CDH13: variants seen among roughly 807,000 people sequenced by gnomAD.
The protein encoded by CDH13 is cadherin-13.
A neutral mutation model predicts 63.8 loss-of-function variants in CDH13; 24 were observed. That is an observed-to-expected ratio of 0.38 (90% CI 0.27 to 0.53). The LOEUF is 0.53. Ranked by LOEUF, CDH13 falls within the 20% of genes least tolerant of loss-of-function variation. The probability of loss-of-function intolerance (pLI) is 0.85; values close to 1 mark genes in which losing one functional copy is unlikely to be tolerated. For synonymous variants in CDH13, 503 were observed against 355.3 expected (o/e 1.42, Z -4.67); for missense variants, 1,049 against 903.1 (o/e 1.16, Z -2.07).
chr16:82,990,528 T>G (rs1433510044), intron 2 of CDH13, among the ~76,000 whole-genome samples: 2 of 150,558 alleles, frequency 1.3e-5, no homozygotes, highest in Admixed American at 1.3e-4. Context: ...TTGTCGTTTG[T>G]GTGGGTTTTT....
rs55664829 is a variant in CDH13, at chr16:83,580,448, T to TTCTCTC, written c.961-21952_961-21947dup. On this transcript the variant is annotated intron_variant, in intron 7 of 13. Coordinates refer to ENST00000567109, the MANE Select transcript of CDH13 (RefSeq NM_001257.5). Reference sequence around the variant, plus strand: ...GCACCCAGTTTTCATTTCTGTTCATTTCTCTCTCTCTCTCTCTCTCTCTCT... The same window carrying TTCTCTC: ...GCACCCAGTTTTCATTTCTGTTCATTTCTCTCTCTCTCTCTCTCTCTCTCTCTCTCT... 6.3e-3 allele frequency among the ~76,000 whole-genome samples: 483 copies of TTCTCTC among 76,346 alleles called. 19 individuals carry two copies. The highest frequency in any genetic ancestry group is 0.014 in the East Asian group (23 of 1,612). The allele number at this position is 76,346 out of a possible 152,430, so 50.1% of individuals were successfully genotyped here. A position where few individuals can be genotyped will look rare whatever the true frequency, so the allele number is the denominator to read the frequency against.
intron 2 of CDH13, among the ~76,000 whole-genome samples, chr16:83,003,459 G>C (rs567854462): frequency 9.7e-4 from 148 of 152,148 alleles, no homozygotes; most frequent in Non-Finnish European, 1.4e-3. Flanking sequence ...ATGCTGTATA[G>C]GGAGAATAAA....
At chr16:83,014,319 T>TAA (rs34322579) in intron 2 of CDH13, among the ~76,000 whole-genome samples, 2,075 of 67,606 alleles carry the variant, frequency 0.031, 79 homozygotes, top group African/African-American at 0.078. Flanking sequence ...CCCAAATCGA[T>TAA]AAAAAAAAAA....
chr16:83,179,081 T>A (rs1420567097), intron 4 of CDH13, among the ~76,000 whole-genome samples: 2 of 152,172 alleles, frequency 1.3e-5, no homozygotes, highest in Admixed American at 6.5e-5. Context: ...ATTATGGAAT[T>A]CGAGTCTCAC....
chr16:82,848,110 T>G (rs1016881235), intron 1 of CDH13, among the ~76,000 whole-genome samples: 8 of 152,168 alleles, frequency 5.3e-5, no homozygotes, highest in African/African-American at 1.7e-4. Context: ...CAATGAAAAA[T>G]GTTATGTATT....
At chr16:82,775,213 G>C (rs779274123) in intron 1 of CDH13, among the ~76,000 whole-genome samples, 7 of 152,174 alleles carry the variant, frequency 4.6e-5, no homozygotes, top group Non-Finnish European at 1.0e-4. Flanking sequence ...TGCATGTAAA[G>C]CTCTTAGCAC....
intron 5 of CDH13, among the ~76,000 whole-genome samples, chr16:83,219,817 T>G (rs1193205255): frequency 2.6e-5 from 4 of 152,222 alleles, no homozygotes; most frequent in African/African-American, 9.6e-5. Flanking sequence ...GAGGATACAG[T>G]AGCAACAAGA....
At chr16:83,259,154 C>T (rs962644641) in intron 5 of CDH13, among the ~76,000 whole-genome samples, 9 of 152,088 alleles carry the variant, frequency 5.9e-5, no homozygotes, top group African/African-American at 2.2e-4. Context: ...CTGAGGGGGA[C>T]AGTCACTAAG....
At chr16:83,160,422 A>AGAGACAGACCT (rs2037397441) in intron 4 of CDH13, among the ~76,000 whole-genome samples, 1 of 152,194 alleles carries the variant, frequency 6.6e-6, no homozygotes, top group South Asian at 2.1e-4. Context: ...TGGTTGTCAT[A>AGAGACAGACCT]GAGACAGACC....
chr16:83,738,950 T>G (rs2150960551), intron 10 of CDH13, among the ~76,000 whole-genome samples: 1 of 152,316 alleles, frequency 6.6e-6, no homozygotes, highest in African/African-American at 2.4e-5. Flanking sequence ...TTTAGTGATT[T>G]CTAAAGATAA....
At chr16:83,453,559 T>C (rs1332790267) in intron 6 of CDH13, among the ~76,000 whole-genome samples, 1 of 152,114 alleles carries the variant, frequency 6.6e-6, no homozygotes, top group African/African-American at 2.4e-5. Context: ...ATCACAATGT[T>C]GATGGGTGTC....
chr16:83,501,890 A>C (rs1396568776), intron 7 of CDH13, among the ~76,000 whole-genome samples: 1 of 152,208 alleles, frequency 6.6e-6, no homozygotes, highest in Middle Eastern at 3.2e-3. Context: ...GGGGAGCTTG[A>C]TTGAGTTTCC....
At chr16:82,680,701 T>G (rs1914448355) in intron 1 of CDH13, among the ~76,000 whole-genome samples, 1 of 152,092 alleles carries the variant, frequency 6.6e-6, no homozygotes, top group South Asian at 2.1e-4. Flanking sequence ...CTTACAAAAA[T>G]GTTGGAAGAT....
chr16:82,693,035 T>C (rs948083170), intron 1 of CDH13, among the ~76,000 whole-genome samples: 2 of 152,154 alleles, frequency 1.3e-5, no homozygotes, highest in African/African-American at 4.8e-5. Flanking sequence ...CAAGTTGTCA[T>C]TGTTGAGGAG....
chr16:83,674,741 G>A (rs374570409), intron 9 of CDH13, among the ~76,000 whole-genome samples: 6 of 152,366 alleles, frequency 3.9e-5, no homozygotes, highest in Non-Finnish European at 7.3e-5. Context: ...TCTGACAGAT[G>A]AGTGTCGGCT....
intron 2 of CDH13, among the ~76,000 whole-genome samples, chr16:83,002,413 A>G (rs946244232): frequency 6.6e-6 from 1 of 152,210 alleles, no homozygotes. Flanking sequence ...GAACCTATGG[A>G]GGAAGTGTGG....
intron 10 of CDH13, among the ~76,000 whole-genome samples, chr16:83,741,813 G>A (rs928731051): frequency 1.3e-4 from 19 of 144,664 alleles, no homozygotes; most frequent in African/African-American, 5.5e-4. Flanking sequence ...GGCCACGGAC[G>A]GCCCCAACCC....
At chr16:82,937,309 C>A (rs1379266030) in intron 2 of CDH13, among the ~76,000 whole-genome samples, 1 of 152,036 alleles carries the variant, frequency 6.6e-6, no homozygotes, top group Non-Finnish European at 1.5e-5. Flanking sequence ...CCCTTTGTTG[C>A]TATTTTACTT....
intron 4 of CDH13, among the ~76,000 whole-genome samples, chr16:83,186,186 G>T (rs573768006): frequency 6.7e-6 from 1 of 149,662 alleles, no homozygotes; most frequent in Non-Finnish European, 1.5e-5. Context: ...CCAGGCTGGA[G>T]TGCAGTGGCG....
Sources: gnomAD v4.1 joint callset for allele counts (sites outside exome capture counted in the v4.1 genomes callset) on GRCh38, gnomAD v4.1.1 for gene constraint, MANE v1.5 for transcripts, NCBI Gene and HGNC (gene_info 2026-07-23, HGNC 2026-07-21) for gene names.